ITFG1: variants seen among roughly 807,000 people sequenced by gnomAD.
ITFG1 encodes integrin alpha FG-GAP repeat containing 1.
A neutral mutation model predicts 81.8 loss-of-function variants in ITFG1; 34 were observed. That is an observed-to-expected ratio of 0.42 (90% confidence interval 0.32 to 0.55). The LOEUF (loss-of-function observed/expected upper bound fraction) is 0.55, where lower values mean the gene tolerates loss of function less well. Among genes scored for constraint, ITFG1 ranks in the 20% least tolerant of loss-of-function variants. The pLI is 0.17. For synonymous variants in ITFG1, 285 were observed against 270.6 expected, an observed-to-expected ratio of 1.05 and a Z score of -0.52; for missense variants, 672 against 755.4, an observed-to-expected ratio of 0.89 and a Z score of 1.29.
At chr16:47,453,185 T>C (rs541123236) in intron 3 of ITFG1, among the ~76,000 whole-genome samples, 2 of 152,338 alleles carry the variant, frequency 1.3e-5, no homozygotes, top group Non-Finnish European at 2.9e-5. Flanking sequence ...TTGTGCATGG[T>C]ACTCCCTCTG....
At chr16:47,272,542 C>T (rs921080666) in intron 10 of ITFG1, among the ~76,000 whole-genome samples, 15 of 151,982 alleles carry the variant, frequency 9.9e-5, no homozygotes, top group African/African-American at 1.7e-4. Context: ...ATTACAGGCA[C>T]GCGCCACCAC....
intron 5 of ITFG1, among the ~76,000 whole-genome samples, chr16:47,431,807 T>C (rs1305614391): frequency 6.6e-6 from 1 of 152,172 alleles, no homozygotes; most frequent in Non-Finnish European, 1.5e-5. Flanking sequence ...ACAACCACAG[T>C]ATAAATATCA....
chr16:47,354,398 C>A (rs1022768165), intron 8 of ITFG1, among the ~76,000 whole-genome samples: 2 of 151,894 alleles, frequency 1.3e-5, no homozygotes, highest in African/African-American at 4.8e-5. Context: ...TTAAAAAAAT[C>A]AATTCAAAAT....
At chr16:47,245,831 CTT>C (rs932168296) in intron 12 of ITFG1, among the ~76,000 whole-genome samples, 39 of 144,808 alleles carry the variant, frequency 2.7e-4, no homozygotes, top group Middle Eastern at 3.5e-3. Flanking sequence ...CTGCCTCCTC[CTT>C]TTTTTTTTTT....
intron 10 of ITFG1, among the ~76,000 whole-genome samples, chr16:47,309,051 C>G (rs1373179033): frequency 6.6e-6 from 1 of 150,538 alleles, no homozygotes; most frequent in African/African-American, 2.4e-5. Context: ...CATAATGATA[C>G]ATTATTAACA....
intron 6 of ITFG1, among the ~76,000 whole-genome samples, chr16:47,400,894 T>C (rs961982876): frequency 1.1e-4 from 16 of 152,192 alleles, no homozygotes; most frequent in Non-Finnish European, 2.1e-4. Context: ...AGCATGCGAT[T>C]CTTTCTGTTG....
intron 7 of ITFG1, among the ~76,000 whole-genome samples, chr16:47,370,527 C>A (rs913140984): frequency 6.6e-6 from 1 of 152,236 alleles, no homozygotes; most frequent in Non-Finnish European, 1.5e-5. Flanking sequence ...CACTGTAACA[C>A]CCCCTTTAGG....
intron 3 of ITFG1, among the ~76,000 whole-genome samples, chr16:47,453,298 G>A (rs1969412118): frequency 6.6e-6 from 1 of 152,308 alleles, no homozygotes; most frequent in African/African-American, 2.4e-5. Context: ...GAACAAAGTT[G>A]CCTATTTAGG....
At chr16:47,416,644 T>C (rs534442852) in intron 6 of ITFG1, among the ~76,000 whole-genome samples, 1 of 152,264 alleles carries the variant, frequency 6.6e-6, no homozygotes, top group Non-Finnish European at 1.5e-5. Flanking sequence ...GCTGATTGTT[T>C]AAAGGAGCCT....
chr16:47,275,792 C>T (rs1315702710), intron 10 of ITFG1, among the ~76,000 whole-genome samples: 1 of 151,966 alleles, frequency 6.6e-6, no homozygotes, highest in East Asian at 1.9e-4. Flanking sequence ...TGTGATTCTG[C>T]CACATATCAA....
chr16:47,423,345 G>A (rs1262501187), intron 6 of ITFG1, among the ~76,000 whole-genome samples: 4 of 151,222 alleles, frequency 2.6e-5, no homozygotes, highest in Admixed American at 2.0e-4. Context: ...CATGAGACAG[G>A]TCTCCTGAAT....
rs769425076 is a variant in ITFG1, at chr16:47,311,373, G to A, written c.937C>T (p.Leu313Phe). 2 of 1,613,576 alleles carry A rather than the reference G, an allele frequency of 1.2e-6. No individual in the cohort carries two copies. The highest frequency in any genetic ancestry group is 1.3e-5 in the African/African-American group (1 of 75,028). ...VLQDFSNKGTLWGFVPFVDEQ... is the reference protein window; with the variant it reads ...VLQDFSNKGTFWGFVPFVDEQ... ...TCCACAAATGGCACAAAGCCCCAGA[G>A]TGTGCCCTTATTGCTGAAATCTTGT... is the stretch of plus-strand genomic sequence containing the variant. The change falls in exon 10 of 18, where the codon CTC becomes TTC. Residue 313 changes from leucine (L) to phenylalanine (F), a missense_variant. By Grantham distance (22) the Leu-to-Phe change is conservative. Coordinates refer to ENST00000320640, the MANE Select transcript of ITFG1 (RefSeq NM_030790.5).
intron 14 of ITFG1, among the ~76,000 whole-genome samples, chr16:47,198,557 G>A (rs1438768290): frequency 6.6e-6 from 1 of 152,182 alleles, no homozygotes; most frequent in Admixed American, 6.5e-5. Context: ...CTTTTAGGGT[G>A]TACTCCATCT....
intron 14 of ITFG1, among the ~76,000 whole-genome samples, chr16:47,191,992 C>T (rs1275782037): frequency 6.6e-6 from 1 of 152,116 alleles, no homozygotes; most frequent in Non-Finnish European, 1.5e-5. Context: ...TTTCTCGAGC[C>T]CAGTCTCGAA....
chr16:47,296,635 C>T (rs560467341), intron 10 of ITFG1, among the ~76,000 whole-genome samples: 7 of 152,098 alleles, frequency 4.6e-5, no homozygotes, highest in Non-Finnish European at 1.0e-4. Context: ...GGGGTTTCGC[C>T]ATGTTGGTCA....
intron 8 of ITFG1, among the ~76,000 whole-genome samples, chr16:47,314,993 C>A (rs546788695): frequency 6.6e-6 from 1 of 151,994 alleles, no homozygotes; most frequent in Non-Finnish European, 1.5e-5. Flanking sequence ...GAATTAAAAT[C>A]TAGCCAATGG....
chr16:47,166,369 T>G (rs1365781149), intron 14 of ITFG1, among the ~76,000 whole-genome samples: 1 of 152,260 alleles, frequency 6.6e-6, no homozygotes, highest in Non-Finnish European at 1.5e-5. Flanking sequence ...AATGAAGAGA[T>G]AATCATTATT....
intron 8 of ITFG1, among the ~76,000 whole-genome samples, chr16:47,320,067 G>A (rs925998056): frequency 3.3e-5 from 5 of 152,150 alleles, no homozygotes; most frequent in African/African-American, 9.7e-5. Flanking sequence ...GATTATGGGC[G>A]TGTGCCACCA....
chr16:47,364,026 G>A (rs1167010995), intron 8 of ITFG1, among the ~76,000 whole-genome samples: 1 of 152,158 alleles, frequency 6.6e-6, no homozygotes, highest in African/African-American at 2.4e-5. Context: ...AAAGGAAGAT[G>A]GAGGGCTGGA....
Sources: gnomAD v4.1 joint callset for allele counts (sites outside exome capture counted in the v4.1 genomes callset) on GRCh38, gnomAD v4.1.1 for gene constraint, MANE v1.5 for transcripts, NCBI Gene and HGNC (gene_info 2026-07-23, HGNC 2026-07-21) for gene names.